The following TTC33 variants were observed in gnomAD, a reference collection of about 807,000 sequenced individuals.
TTC33 encodes tetratricopeptide repeat protein 33.
TTC33 carries 24 observed loss-of-function variants against 29.4 expected under a neutral mutation model. That is an observed-to-expected ratio of 0.82 (90% confidence interval 0.59 to 1.15). The LOEUF (loss-of-function observed/expected upper bound fraction) is 1.15, where lower values mean the gene tolerates loss of function less well. Ranked by LOEUF, TTC33 falls within the 50% of genes most tolerant of loss-of-function variation. The pLI is 0.00. For synonymous variants in TTC33, 107 were observed against 100.3 expected (o/e 1.07, Z -0.40); for missense variants, 286 against 310.4 (o/e 0.92, Z 0.59).
At position 40,746,931 on chromosome 5, in the gene TTC33, TCTC is replaced by T; in HGVS notation, c.85_87del (p.Glu29del). On this transcript the variant is annotated inframe_deletion, in exon 2 of 5. Coordinates refer to ENST00000337702, the MANE Select transcript of TTC33 (RefSeq NM_012382.3). ...CCTTCATCGTTGTCAACTACATCCTTCTCATCAGCAGCTTCAGCTTCAAACTGC... is the reference window on the plus strand; with the variant it reads ...CCTTCATCGTTGTCAACTACATCCTTATCAGCAGCTTCAGCTTCAAACTGC... 1 of 1,614,208 alleles carries T rather than the reference TCTC, an allele frequency of 6.2e-7. No homozygotes were observed.
chr5:40,747,059 G>A, intron 1 of TTC33, 40 bp from the exon 2 acceptor site: 1 of 1,536,334 alleles, frequency 6.5e-7, no homozygotes, highest in Admixed American at 2.0e-5. Flanking sequence ...ATTCTAACTT[G>A]ATCTTTTTTT....
intron 2 of TTC33, among the ~76,000 whole-genome samples, chr5:40,740,332 C>A (rs1006582831): frequency 2.6e-5 from 4 of 151,454 alleles, no homozygotes; most frequent in African/African-American, 9.7e-5. Context: ...GAAGTCCAGG[C>A]CTACTGGTAA....
intron 4 of TTC33, among the ~76,000 whole-genome samples, chr5:40,726,967 T>C (rs959699011): frequency 1.3e-5 from 2 of 152,180 alleles, no homozygotes; most frequent in African/African-American, 4.8e-5. Context: ...CAGTGCTAAA[T>C]GGCAAGAAAA....
intron 2 of TTC33, among the ~76,000 whole-genome samples, chr5:40,733,053 T>C (rs552436623): frequency 1.2e-4 from 19 of 152,290 alleles, no homozygotes; most frequent in African/African-American, 4.6e-4. Context: ...TAAAAACAAA[T>C]TCTATCCTAA....
At chr5:40,745,748 T>C (rs184160862) in intron 2 of TTC33, among the ~76,000 whole-genome samples, 173 of 151,484 alleles carry the variant, frequency 1.1e-3, no homozygotes, top group African/African-American at 4.0e-3. Context: ...TATTTGTTTA[T>C]TTATTTGACA....
At chr5:40,741,911 C>G (rs1742703387) in intron 2 of TTC33, among the ~76,000 whole-genome samples, 2 of 152,086 alleles carry the variant, frequency 1.3e-5, no homozygotes, top group African/African-American at 4.8e-5. Context: ...ACCGCTTGAG[C>G]CTGGGAGACA....
At chr5:40,740,093 T>C (rs967609099) in intron 2 of TTC33, among the ~76,000 whole-genome samples, 18 of 152,174 alleles carry the variant, frequency 1.2e-4, no homozygotes, top group Non-Finnish European at 2.5e-4. Flanking sequence ...TATCCCTTCA[T>C]GCTATCTATT....
intron 2 of TTC33, among the ~76,000 whole-genome samples, chr5:40,743,917 G>A (rs1742745401): frequency 6.6e-6 from 1 of 152,170 alleles, no homozygotes; most frequent in Non-Finnish European, 1.5e-5. Flanking sequence ...TTAGTGAAAT[G>A]ACTCAATGTT....
Position 40,716,239 on chromosome 5 carries a change from A to G in TTC33, c.695T>C (p.Val232Ala), listed in dbSNP as rs1447551769. The change falls in exon 5 of 5, where the codon GTT (valine) becomes GCT (alanine). Residue 232 changes from valine (V) to alanine (A), a missense_variant. Val to Ala is a moderately conservative substitution (Grantham distance 64). Coordinates refer to ENST00000337702, the MANE Select transcript of TTC33 (RefSeq NM_012382.3). ...EKTVSANKTM[V>A]IVSASGAIET... ...TATGGCCCCAGAAGCAGACACAATA[A>G]CCATTGTTTTATTTGCTGAAACTGT... 1.2e-6 allele frequency: 2 copies of G among 1,614,084 alleles called. No individual in the cohort carries two copies. The highest frequency in any genetic ancestry group is 1.3e-5 in the African/African-American group (1 of 74,922).
intron 2 of TTC33, among the ~76,000 whole-genome samples, chr5:40,736,872 A>G (rs970885565): frequency 9.9e-5 from 15 of 152,130 alleles, no homozygotes; most frequent in Non-Finnish European, 2.1e-4. Context: ...CAAAATCTAC[A>G]CTCTTAACCA....
At chr5:40,732,573 G>A (rs569504666) in intron 2 of TTC33, among the ~76,000 whole-genome samples, 26 of 152,002 alleles carry the variant, frequency 1.7e-4, no homozygotes, top group African/African-American at 6.0e-4. Flanking sequence ...ACAGTACCCA[G>A]AACATTTCTG....
intron 4 of TTC33, among the ~76,000 whole-genome samples, chr5:40,723,846 C>T (rs1742215421): frequency 1.3e-5 from 2 of 152,004 alleles, no homozygotes; most frequent in Non-Finnish European, 2.9e-5. Flanking sequence ...GCCTGGGCGA[C>T]AGAGCAAGAT....
At chr5:40,749,898 A>C (rs547651942) in intron 1 of TTC33, among the ~76,000 whole-genome samples, 141 of 151,944 alleles carry the variant, frequency 9.3e-4, no homozygotes, top group Non-Finnish European at 1.6e-3. Flanking sequence ...GACCAGCCTG[A>C]CCAACATGGT....
intron 2 of TTC33, among the ~76,000 whole-genome samples, chr5:40,738,673 T>C (rs1453695653): frequency 6.6e-6 from 1 of 151,986 alleles, no homozygotes; most frequent in African/African-American, 2.4e-5. Flanking sequence ...GAGCAATGTA[T>C]AAAAGTTTAA....
At position 40,755,914 on chromosome 5, in the gene TTC33, C is replaced by A. The variant is rs1052239243; in HGVS notation, c.-92G>T. The A allele has an allele frequency of 2.0e-5, 3 of 152,384 alleles. No individual in the cohort carries two copies. The highest frequency in any genetic ancestry group is 4.8e-5 in the African/African-American group (2 of 41,466). 9.4% of individuals were successfully genotyped at this position (152,384 alleles called of 1,614,324 possible). On this transcript the variant is annotated 5_prime_UTR_variant, in exon 1 of 5. Coordinates refer to ENST00000337702, the MANE Select transcript of TTC33 (RefSeq NM_012382.3). ...TCCACAGAAGCGGGCAAAGGAAAGA[C>A]GACTCAGTCTTTCCCCTCCGCCAAT...
intron 2 of TTC33, among the ~76,000 whole-genome samples, chr5:40,746,384 T>C (rs1456864204): frequency 6.6e-6 from 1 of 150,600 alleles, no homozygotes. Context: ...TAAATACCTA[T>C]TTTTTTTTAT....
chr5:40,741,351 AAAGAC>A (rs1322061057), intron 2 of TTC33, among the ~76,000 whole-genome samples: 1 of 152,164 alleles, frequency 6.6e-6, no homozygotes, highest in Non-Finnish European at 1.5e-5. Context: ...GGTGACCATC[AAAGAC>A]ACTCCATTCT....
In TTC33 at chr5:40,714,179, C is replaced by T. The variant is rs1741952248; in HGVS notation, c.*1966G>A. On this transcript the variant is annotated 3_prime_UTR_variant, in exon 5 of 5. Coordinates refer to ENST00000337702, the MANE Select transcript of TTC33 (RefSeq NM_012382.3). ...GCTATAGACCCTGTCAAGAAAAATC[C>T]CACTATCTCTCCTATAATACTGGAA... 6.6e-6 allele frequency among the ~76,000 whole-genome samples: 1 copy of T among 152,120 alleles called. No homozygotes were observed. Among genetic ancestry groups the T allele is most frequent in the African/African-American group, 2.4e-5 (1 of 41,438 alleles).
rs544855247 is a variant in TTC33 at position 40,716,353 on chromosome 5, G to A, written c.581C>T (p.Thr194Ile). 1.2e-5 allele frequency: 19 copies of A among 1,614,166 alleles called. 1 individual carries two copies. In the South Asian group the frequency reaches 1.6e-4, roughly 14 times the overall value. Residue 194 changes from threonine (T) to isoleucine (I), a missense_variant, in exon 5 of 5, where the codon ACA becomes ATA. By Grantham distance (89) the Thr-to-Ile change is moderately conservative. Coordinates refer to ENST00000337702, the MANE Select transcript of TTC33 (RefSeq NM_012382.3). ...TGGAATTGACTTTGGTGAAAAGTGT[G>A]TTACTTCAGCTGGTGCTTCACTTTT... is the stretch of plus-strand genomic sequence containing the variant. ...IKKSEAPAEV[T>I]HFSPKSIPDY...
Sources: gnomAD v4.1 joint callset for allele counts (sites outside exome capture counted in the v4.1 genomes callset) on GRCh38, gnomAD v4.1.1 for gene constraint, MANE v1.5 for transcripts, NCBI Gene and HGNC (gene_info 2026-07-23, HGNC 2026-07-21) for gene names.